Variants in ABI3BP observed in about 807,000 individuals in gnomAD.
ABI3BP encodes ABI family member 3 binding protein.
Under a neutral mutation model 268.6 loss-of-function variants are expected in ABI3BP, and 216 were observed. The observed-to-expected ratio is 0.80, with a 90% CI of 0.72 to 0.90. The LOEUF is 0.90. ABI3BP is among the 40% of genes least tolerant of loss of function. The probability of loss-of-function intolerance (pLI) is 0.00; values close to 1 mark genes in which losing one functional copy is unlikely to be tolerated. For synonymous variants in ABI3BP, 730 were observed against 730.0 expected (o/e 1.00, Z 0.00); for missense variants, 2,090 against 2,182.4 (o/e 0.96, Z 0.84).
intron 51 of ABI3BP, 97 bp downstream of exon 51, chr3:100,804,695 T>C: frequency 9.1e-7 from 1 of 1,095,162 alleles, no homozygotes. Flanking sequence ...TAAACATAAG[T>C]GAAATATTGA....
At chr3:100,951,881 T>C (rs889573993) in intron 1 of ABI3BP, among the ~76,000 whole-genome samples, 3 of 151,962 alleles carry the variant, frequency 2.0e-5, no homozygotes, top group African/African-American at 7.3e-5. Context: ...TTTATTATAA[T>C]AGAAGACATT....
At chr3:100,991,906 C>T (rs1420794582) in intron 1 of ABI3BP, among the ~76,000 whole-genome samples, 1 of 152,094 alleles carries the variant, frequency 6.6e-6, no homozygotes, top group Admixed American at 6.5e-5. Context: ...CCTATATCAT[C>T]CCTATGCAAT....
intron 1 of ABI3BP, among the ~76,000 whole-genome samples, chr3:100,977,244 C>T (rs955745046): frequency 1.6e-4 from 24 of 152,178 alleles, no homozygotes; most frequent in African/African-American, 5.6e-4. Flanking sequence ...AAAGGCATCA[C>T]ATATGCTCCC....
rs578232459 is a variant in ABI3BP, at chr3:100,787,750, G to T, written c.4140C>A (p.Pro1380=). 196 of 1,532,644 alleles carry T rather than the reference G, an allele frequency of 1.3e-4. No homozygotes were observed. In the African/African-American group the frequency reaches 2.4e-3, roughly 19 times the overall value. 94.9% of individuals were successfully genotyped at this position (1,532,644 alleles called of 1,614,324 possible). A position where few individuals can be genotyped will look rare whatever the true frequency, so the allele number is the denominator to read the frequency against. The change falls in exon 57 of 68, where the codon CCC becomes CCA. Residue 1380 remains proline (P), a synonymous_variant. Coordinates refer to ENST00000471714, the MANE Select transcript of ABI3BP (RefSeq NM_001375547.2). ...RPTRPKPSGM[P]SGNGVGTGVK... ...TACCTGTTCCCACTCCATTCCCACT[G>T]GGCATCCCACTGGGTTTGGGCCTAG...
intron 1 of ABI3BP, among the ~76,000 whole-genome samples, chr3:100,964,096 C>A (rs2080282614): frequency 6.6e-6 from 1 of 152,100 alleles, no homozygotes; most frequent in East Asian, 1.9e-4. Context: ...TGATGAGAAG[C>A]AGCCCCAAGT....
chr3:100,775,421 A>G, intron 59 of ABI3BP, 86 bp from the exon 60 acceptor site: 1 of 1,518,048 alleles, frequency 6.6e-7, no homozygotes, highest in Non-Finnish European at 8.9e-7. Flanking sequence ...AAATGTTTTT[A>G]AGCACTGACC....
At chr3:100,793,459 T>TA (rs746647071) in intron 54 of ABI3BP, among the ~76,000 whole-genome samples, 2 of 152,012 alleles carry the variant, frequency 1.3e-5, no homozygotes, top group African/African-American at 2.4e-5. Context: ...GCTCAAGAAA[T>TA]ACACTTGTGA....
intron 62 of ABI3BP, among the ~76,000 whole-genome samples, chr3:100,767,637 GAAAC>G (rs1416967250): frequency 6.7e-6 from 1 of 149,624 alleles, no homozygotes; most frequent in Admixed American, 6.7e-5. Context: ...TTAATGGAAA[GAAAC>G]AAATTAAGCC....
intron 45 of ABI3BP, 90 bp from the exon 46 acceptor site, chr3:100,812,613 A>G (rs972659693): frequency 1.3e-6 from 1 of 778,062 alleles, no homozygotes; most frequent in Non-Finnish European, 1.8e-6. Context: ...GTTCAATGTT[A>G]ACTGTTATAG....
At chr3:100,960,318 G>T (rs1192199864) in intron 1 of ABI3BP, among the ~76,000 whole-genome samples, 2 of 152,166 alleles carry the variant, frequency 1.3e-5, no homozygotes, top group Non-Finnish European at 2.9e-5. Flanking sequence ...AAGACAAAGA[G>T]AATTGAACAG....
intron 14 of ABI3BP, among the ~76,000 whole-genome samples, chr3:100,856,985 C>G (rs964878807): frequency 6.6e-6 from 1 of 152,138 alleles, no homozygotes; most frequent in African/African-American, 2.4e-5. Flanking sequence ...AAGAGAGAGA[C>G]TATGTGATAT....
In ABI3BP at chr3:100,765,934, GAT is replaced by G; in HGVS notation, c.4755_4756del (p.Ser1586GlnfsTer33). On this transcript the variant is annotated frameshift_variant, in exon 63 of 68. Coordinates refer to ENST00000471714, the MANE Select transcript of ABI3BP (RefSeq NM_001375547.2). LOFTEE classifies it high-confidence loss of function. ...CCCACTGAATGACCCATTTTCTCTG[GAT>G]ATAACTTCATATTCTGTAAAGCGAA... 6.2e-7 allele frequency: 1 copy of G among 1,610,022 alleles called. No individual in the cohort carries two copies. Among genetic ancestry groups the G allele is most frequent in the Non-Finnish European group, 8.5e-7 (1 of 1,177,220 alleles).
chr3:100,807,037 T>G (rs938284787), intron 50 of ABI3BP, among the ~76,000 whole-genome samples: 2 of 152,008 alleles, frequency 1.3e-5, no homozygotes, highest in African/African-American at 2.4e-5. Flanking sequence ...AGTCTCTTAA[T>G]TTTTAGTATT....
chr3:100,789,730 G>C (rs1431329452), intron 55 of ABI3BP, among the ~76,000 whole-genome samples: 1 of 151,968 alleles, frequency 6.6e-6, no homozygotes, highest in Non-Finnish European at 1.5e-5. Context: ...CATAGAATGA[G>C]GTAGTTCATT....
Position 100,829,575 on chromosome 3 carries a change from AT to A in ABI3BP, c.2542+5del. 1 of 1,534,456 alleles carries A rather than the reference AT, an allele frequency of 6.5e-7. No homozygotes were observed. Among genetic ancestry groups the A allele is most frequent in the Non-Finnish European group, 8.7e-7 (1 of 1,145,512 alleles). ...AGGATTCCTCAAGCATGACCTACAA[AT>A]TTACCCAGTTCAGTCTGAAGCTCTT... On this transcript the variant is annotated splice_donor_5th_base_variant and intron_variant, in intron 33 of 67. Coordinates refer to ENST00000471714, the MANE Select transcript of ABI3BP (RefSeq NM_001375547.2).
chr3:100,831,162 A>G (rs1337350384), intron 31 of ABI3BP, among the ~76,000 whole-genome samples: 1 of 152,082 alleles, frequency 6.6e-6, no homozygotes, highest in Non-Finnish European at 1.5e-5. Context: ...TGTGTGCTGG[A>G]TCTCTGACAT....
chr3:100,794,940 T>C lies in ABI3BP; in HGVS notation c.3929A>G (p.Glu1310Gly), dbSNP rs1231836385. 2 of 1,570,070 alleles carry C rather than the reference T, an allele frequency of 1.3e-6. No homozygotes were observed. The highest frequency in any genetic ancestry group is 4.7e-5 in the East Asian group (2 of 42,878). The change falls in exon 54 of 68, where the codon GAA (glutamate) becomes GGA (glycine). Residue 1310 changes from glutamate (E) to glycine (G), a missense_variant. Transcript: ENST00000471714. ...PMISPSPSQE[E>G]LQTTLEETDQ... ...AAATTTACCCAGAGTGGTCTGTAGT[T>C]CCTCTTGACTAGGACTTGGGGAAAT...
intron 36 of ABI3BP, among the ~76,000 whole-genome samples, chr3:100,824,633 A>G (rs755977948): frequency 6.6e-6 from 1 of 152,236 alleles, no homozygotes; most frequent in Non-Finnish European, 1.5e-5. Flanking sequence ...TGTGGTTTCA[A>G]AGAAAAGTCT....
At chr3:100,769,684 T>C (rs971036302) in intron 62 of ABI3BP, among the ~76,000 whole-genome samples, 2 of 152,290 alleles carry the variant, frequency 1.3e-5, no homozygotes, top group Non-Finnish European at 2.9e-5. Context: ...TAATCAGTAC[T>C]GAGAGATTAA....
Sources: gnomAD v4.1 joint callset for allele counts (sites outside exome capture counted in the v4.1 genomes callset) on GRCh38, gnomAD v4.1.1 for gene constraint, MANE v1.5 for transcripts, NCBI Gene and HGNC (gene_info 2026-07-23, HGNC 2026-07-21) for gene names.